The following CHCHD3 variants were observed in gnomAD, a reference collection of about 807,000 sequenced individuals.
The protein encoded by CHCHD3 is MICOS complex subunit MIC19.
In CHCHD3, 20 loss-of-function variants were observed where a neutral mutation model predicts 38.2. That is an observed-to-expected ratio of 0.52 (90% CI 0.37 to 0.76). The LOEUF (loss-of-function observed/expected upper bound fraction) is 0.76. CHCHD3 is among the 30% of genes least tolerant of loss of function. The probability of loss-of-function intolerance (pLI) is 0.00; values close to 1 mark genes in which losing one functional copy is unlikely to be tolerated. For missense variants in CHCHD3, 245 were observed against 279.2 expected (o/e 0.88, Z 0.87); for synonymous variants, 82 against 100.0 (o/e 0.82, Z 1.07).
At chr7:132,960,137 C>T (rs1811280650) in intron 4 of CHCHD3, among the ~76,000 whole-genome samples, 1 of 152,116 alleles carries the variant, frequency 6.6e-6, no homozygotes, top group African/African-American at 2.4e-5. Flanking sequence ...TAATCCACCG[C>T]ATGCACTTGT....
At chr7:132,793,025 C>A (rs1806504646) in intron 7 of CHCHD3, among the ~76,000 whole-genome samples, 1 of 152,182 alleles carries the variant, frequency 6.6e-6, no homozygotes, top group Non-Finnish European at 1.5e-5. Flanking sequence ...CCTTTCGACA[C>A]CCTTCCCCTT....
At chr7:132,864,345 G>A (rs1344582605) in intron 5 of CHCHD3, among the ~76,000 whole-genome samples, 1 of 152,140 alleles carries the variant, frequency 6.6e-6, no homozygotes, top group East Asian at 1.9e-4. Context: ...GAACACACAC[G>A]TAACAGTTAT....
intron 2 of CHCHD3, among the ~76,000 whole-genome samples, chr7:133,056,223 G>A (rs145225535): frequency 3.2e-4 from 49 of 151,854 alleles, no homozygotes; most frequent in South Asian, 1.0e-3. Context: ...CAGTCTATTC[G>A]TATTTACTCC....
At chr7:133,058,021 C>A (rs1005220363) in intron 2 of CHCHD3, among the ~76,000 whole-genome samples, 3 of 152,002 alleles carry the variant, frequency 2.0e-5, no homozygotes, top group Non-Finnish European at 4.4e-5. Context: ...GGCTCAATCC[C>A]ATCAGATTCC....
At chr7:132,960,365 T>C (rs1207111056) in intron 4 of CHCHD3, among the ~76,000 whole-genome samples, 8 of 152,192 alleles carry the variant, frequency 5.3e-5, no homozygotes, top group African/African-American at 1.9e-4. Context: ...ATGTGCAAGA[T>C]GGAGAGACAC....
chr7:132,938,592 TA>T (rs1303143658), intron 4 of CHCHD3, among the ~76,000 whole-genome samples: 2 of 45,418 alleles, frequency 4.4e-5, no homozygotes, highest in African/African-American at 1.8e-4. Flanking sequence ...CCAGGTAAAC[TA>T]ACTACTCCTT....
intron 3 of CHCHD3, among the ~76,000 whole-genome samples, chr7:132,997,269 C>T (rs1468714535): frequency 6.6e-6 from 1 of 152,160 alleles, no homozygotes; most frequent in African/African-American, 2.4e-5. Flanking sequence ...ATCCACATAT[C>T]ACAGGAAGAT....
chr7:132,919,652 C>T lies in CHCHD3; in HGVS notation c.370-33907G>A, dbSNP rs1047583338. Among the ~76,000 whole-genome samples the T allele has an allele frequency of 7.9e-5, 12 of 152,276 alleles. No homozygotes were observed. In the East Asian group the frequency reaches 2.3e-3, roughly 29 times the overall value. Reference sequence around the variant, plus strand: ...ATACTGCTGTTGGGCTCAGTTTAGTCACACGCCTCTATAAACAACAAATGA... The same window carrying T: ...ATACTGCTGTTGGGCTCAGTTTAGTTACACGCCTCTATAAACAACAAATGA... On this transcript the variant is annotated intron_variant, in intron 4 of 7. Coordinates refer to ENST00000262570, the MANE Select transcript of CHCHD3 (RefSeq NM_017812.4).
At chr7:132,967,990 A>G (rs1981794) in intron 4 of CHCHD3, among the ~76,000 whole-genome samples, 147,328 of 152,292 alleles carry the variant, frequency 0.97, 71,468 homozygotes, top group Middle Eastern at 1. Flanking sequence ...GGATCTTAAC[A>G]TGCAGCCTAG....
intron 5 of CHCHD3, among the ~76,000 whole-genome samples, chr7:132,841,968 C>T (rs1807951294): frequency 6.6e-6 from 1 of 151,964 alleles, no homozygotes; most frequent in African/African-American, 2.4e-5. Flanking sequence ...CGTGGTGGCT[C>T]ATGCCTGTAA....
At chr7:132,884,736 T>C (rs1364325856) in intron 5 of CHCHD3, among the ~76,000 whole-genome samples, 4 of 152,204 alleles carry the variant, frequency 2.6e-5, no homozygotes, top group Non-Finnish European at 5.9e-5. Context: ...CAATCTACTT[T>C]ATTGAAAAGG....
chr7:133,079,067 C>T (rs1381066416), intron 1 of CHCHD3, among the ~76,000 whole-genome samples: 6 of 152,202 alleles, frequency 3.9e-5, no homozygotes, highest in Non-Finnish European at 8.8e-5. Flanking sequence ...CCATCTACAA[C>T]AGACCTAGAC....
At chr7:132,927,624 G>C (rs1249932304) in intron 4 of CHCHD3, among the ~76,000 whole-genome samples, 1 of 152,172 alleles carries the variant, frequency 6.6e-6, no homozygotes, top group African/African-American at 2.4e-5. Context: ...TGTTAAAATA[G>C]CTCCATTCCT....
At chr7:132,889,200 TTACC>T (rs1746075830) in intron 4 of CHCHD3, among the ~76,000 whole-genome samples, 1 of 152,208 alleles carries the variant, frequency 6.6e-6, no homozygotes, top group East Asian at 1.9e-4. Context: ...GGAAATTGTA[TTACC>T]TACTAAATCC....
chr7:132,959,109 G>A (rs545497673), intron 4 of CHCHD3, among the ~76,000 whole-genome samples: 8 of 152,318 alleles, frequency 5.3e-5, no homozygotes, highest in African/African-American at 1.9e-4. Flanking sequence ...CATGCCAAAT[G>A]AGTGAAAAGT....
At chr7:133,023,727 T>TA (rs941874717) in intron 3 of CHCHD3, among the ~76,000 whole-genome samples, 15 of 152,072 alleles carry the variant, frequency 9.9e-5, no homozygotes, top group African/African-American at 2.7e-4. Flanking sequence ...AAGTAGTATT[T>TA]AAAAAAAATG....
chr7:132,907,331 G>A (rs574881162), intron 4 of CHCHD3, among the ~76,000 whole-genome samples: 1 of 152,140 alleles, frequency 6.6e-6, no homozygotes, highest in South Asian at 2.1e-4. Flanking sequence ...TTATAAATTG[G>A]GGTAGAGGGC....
chr7:133,015,867 C>T (rs553198154), intron 3 of CHCHD3, among the ~76,000 whole-genome samples: 8 of 152,246 alleles, frequency 5.3e-5, no homozygotes, highest in Middle Eastern at 3.4e-3. Flanking sequence ...TTTGGGAGGC[C>T]TCAGGAAACT....
chr7:132,971,492 G>A (rs910006672), intron 4 of CHCHD3, among the ~76,000 whole-genome samples: 17 of 152,130 alleles, frequency 1.1e-4, no homozygotes, highest in African/African-American at 4.1e-4. Context: ...CAACAACAGG[G>A]CCATCATGAC....
Sources: gnomAD v4.1 joint callset for allele counts (sites outside exome capture counted in the v4.1 genomes callset) on GRCh38, gnomAD v4.1.1 for gene constraint, MANE v1.5 for transcripts, NCBI Gene and HGNC (gene_info 2026-07-23, HGNC 2026-07-21) for gene names.